The following C2CD3 variants were observed in gnomAD, a reference collection of about 807,000 sequenced individuals.
The protein encoded by C2CD3 is C2 domain containing 3 centriole elongation regulator.
C2CD3 carries 148 observed loss-of-function variants against 234.0 expected under a neutral mutation model. The ratio of observed to expected loss-of-function variants is 0.63; its 90% CI spans 0.55 to 0.72. C2CD3 has a LOEUF of 0.72. Ranked by LOEUF, C2CD3 falls within the 30% of genes least tolerant of loss-of-function variation. C2CD3 has a pLI of 0.00. For missense variants in C2CD3, 2,577 were observed against 2,811.5 expected (o/e 0.92, Z 1.89); for synonymous variants, 1,000 against 1,035.4 (o/e 0.97, Z 0.66).
Position 74,170,912 on chromosome 11 carries a change from G to T in C2CD3, c.-120C>A. 1.3e-6 allele frequency: 2 copies of T among 1,549,352 alleles called. No homozygotes were observed. Among genetic ancestry groups the T allele is most frequent in the Non-Finnish European group, 1.7e-6 (2 of 1,152,656 alleles). Reference sequence around the variant, plus strand: ...GGCAACCGGCGCCGCTGGGCAGCCTGGGAGGCAGGAAAAAGCGACTCTTCC... The same window carrying T: ...GGCAACCGGCGCCGCTGGGCAGCCTTGGAGGCAGGAAAAAGCGACTCTTCC... On this transcript the variant is annotated 5_prime_UTR_variant, in exon 1 of 33. Coordinates refer to ENST00000334126, the MANE Select transcript of C2CD3 (RefSeq NM_001286577.2).
chr11:74,059,959 C>T (rs1954151569), intron 24 of C2CD3, among the ~76,000 whole-genome samples: 1 of 152,172 alleles, frequency 6.6e-6, no homozygotes. Context: ...AACGGCACAC[C>T]AGGAGACTGT....
intron 28 of C2CD3, among the ~76,000 whole-genome samples, chr11:74,042,677 T>C (rs146092564): frequency 0.012 from 1,820 of 151,520 alleles, 35 homozygotes; most frequent in African/African-American, 0.042. Flanking sequence ...CACTTGAACC[T>C]GGGAAGTGGA....
intron 23 of C2CD3, among the ~76,000 whole-genome samples, chr11:74,077,030 C>T (rs549941567): frequency 7.9e-5 from 12 of 152,150 alleles, no homozygotes; most frequent in African/African-American, 2.9e-4. Context: ...AAGTACTAAA[C>T]AAATGTTTGA....
At chr11:74,016,412 G>T (rs1322443936) in intron 32 of C2CD3, among the ~76,000 whole-genome samples, 2 of 152,208 alleles carry the variant, frequency 1.3e-5, no homozygotes, top group African/African-American at 4.8e-5. Flanking sequence ...TACACCTACT[G>T]GCTGGGCCAT....
intron 2 of C2CD3, chr11:74,164,257 A>T (rs1221615353): frequency 2.1e-6 from 2 of 967,438 alleles, no homozygotes; most frequent in African/African-American, 3.5e-5. Flanking sequence ...CTGATCAAAG[A>T]CAGGTAAAAA....
intron 23 of C2CD3, among the ~76,000 whole-genome samples, chr11:74,077,585 C>G (rs543007100): frequency 2.0e-5 from 3 of 150,884 alleles, no homozygotes; most frequent in Non-Finnish European, 3.0e-5. Flanking sequence ...ACAATGAGAA[C>G]ACATGGACAC....
intron 12 of C2CD3, 142 bp downstream of exon 12, chr11:74,108,890 TAA>T (rs1491194733): frequency 1.2e-4 from 34 of 287,070 alleles, no homozygotes; most frequent in African/African-American, 7.7e-4. Flanking sequence ...ATAATAATGA[TAA>T]TAATAATAAT....
chr11:74,158,160 C>T (rs886376050), intron 3 of C2CD3, among the ~76,000 whole-genome samples: 1 of 151,970 alleles, frequency 6.6e-6, no homozygotes, highest in African/African-American at 2.4e-5. Context: ...AAAGCACAAG[C>T]AACAAAGCAA....
At chr11:74,138,679 A>C (rs903990328) in intron 5 of C2CD3, 41 bp downstream of exon 5, 55 of 1,536,464 alleles carry the variant, frequency 3.6e-5, no homozygotes, top group Non-Finnish European at 4.9e-5. Flanking sequence ...CAATCCCATA[A>C]ACGTAGTTTA....
chr11:74,026,119 TGGG>T (rs1952284667), intron 32 of C2CD3, among the ~76,000 whole-genome samples: 1 of 152,166 alleles, frequency 6.6e-6, no homozygotes, highest in Non-Finnish European at 1.5e-5. Context: ...AGATGTAGCC[TGGG>T]CAACACAGTG....
intron 3 of C2CD3, among the ~76,000 whole-genome samples, chr11:74,154,731 C>CTA (rs1203742627): frequency 6.6e-6 from 1 of 152,040 alleles, no homozygotes; most frequent in Non-Finnish European, 1.5e-5. Context: ...TGGCTGCGTC[C>CTA]TAATACAACT....
At position 74,033,834 on chromosome 11, in the gene C2CD3, C is replaced by CCTT. The variant is rs529884954; in HGVS notation, c.6323_6325dup (p.Glu2108dup). ...AGGCCCTGGAGAAGGACAAGAGGGG[C>CCTT]CTTCCCTCTGCACCTCGTCAGGCTG... On this transcript the variant is annotated inframe_insertion, in exon 31 of 33. Coordinates refer to ENST00000334126, the MANE Select transcript of C2CD3 (RefSeq NM_001286577.2). 1.4e-4 allele frequency: 221 copies of CCTT among 1,536,158 alleles called. 2 individuals carry two copies. The South Asian group carries it at 2.5e-3, about 18-fold the overall frequency.
intron 15 of C2CD3, among the ~76,000 whole-genome samples, chr11:74,099,891 G>A (rs1167528405): frequency 1.5e-5 from 2 of 135,766 alleles, no homozygotes; most frequent in Non-Finnish European, 3.1e-5. Flanking sequence ...GTGAGACTCC[G>A]TCTCAAAAAA....
At chr11:74,134,514 G>A (rs778915944) in intron 5 of C2CD3, among the ~76,000 whole-genome samples, 3 of 152,130 alleles carry the variant, frequency 2.0e-5, no homozygotes, top group Non-Finnish European at 4.4e-5. Flanking sequence ...GCAACATAGT[G>A]AGATTCTGTT....
At chr11:74,131,030 C>T (rs1002434090) in intron 7 of C2CD3, among the ~76,000 whole-genome samples, 1 of 151,596 alleles carries the variant, frequency 6.6e-6, no homozygotes, top group Non-Finnish European at 1.5e-5. Flanking sequence ...GTGTAGTAAT[C>T]ATGGCTCACT....
rs1255004843 is a variant in C2CD3, at chr11:74,033,706, C to T, written c.6454G>A (p.Val2152Ile). 3.9e-6 allele frequency: 6 copies of T among 1,536,396 alleles called. No homozygotes were observed. Among genetic ancestry groups the T allele is most frequent in the Middle Eastern group, 1.7e-4 (1 of 5,992 alleles). ...PRQGSPSQSLVACECEASKAR... is the reference protein window; with the variant it reads ...PRQGSPSQSLIACECEASKAR... ...TTAGAGGCCTCACACTCACAAGCAA[C>T]AAGACTTTGGCTAGGAGAACCCTGC... Residue 2152 changes from valine to isoleucine, a missense_variant, in exon 31 of 33, where the codon GTT (valine) becomes ATT (isoleucine). Coordinates refer to ENST00000334126, the MANE Select transcript of C2CD3 (RefSeq NM_001286577.2).
At chr11:74,165,975 G>C (rs943082831) in intron 2 of C2CD3, among the ~76,000 whole-genome samples, 1 of 152,070 alleles carries the variant, frequency 6.6e-6, no homozygotes, top group African/African-American at 2.4e-5. Flanking sequence ...TTACAGGCGT[G>C]AGCCACCACG....
chr11:74,139,078 T>C, intron 4 of C2CD3, 111 bp from the exon 5 acceptor site: 1 of 800,730 alleles, frequency 1.2e-6, no homozygotes, highest in Non-Finnish European at 2.0e-6. Flanking sequence ...AGTTTGGACC[T>C]CAAAAAGCGT....
At chr11:74,093,552 A>G (rs1955980571) in intron 18 of C2CD3, among the ~76,000 whole-genome samples, 1 of 152,052 alleles carries the variant, frequency 6.6e-6, no homozygotes, top group African/African-American at 2.4e-5. Flanking sequence ...TGTTTAATAC[A>G]TAATAGGAGG....
Sources: gnomAD v4.1 joint callset for allele counts (sites outside exome capture counted in the v4.1 genomes callset) on GRCh38, gnomAD v4.1.1 for gene constraint, MANE v1.5 for transcripts, NCBI Gene and HGNC (gene_info 2026-07-23, HGNC 2026-07-21) for gene names.